ST3GAL1: variants seen among roughly 807,000 people sequenced by gnomAD.
The protein encoded by ST3GAL1 is ST3 beta-galactoside alpha-2,3-sialyltransferase 1, also known as CMP-N-acetylneuraminate-beta-galactosamide-alpha-2,3-sialyltransferase 1.
Under a neutral mutation model 34.1 loss-of-function variants are expected in ST3GAL1, and 16 were observed. That is an observed-to-expected ratio of 0.47 (90% CI 0.32 to 0.71). ST3GAL1 has a LOEUF of 0.71. ST3GAL1 is among the 30% of genes least tolerant of loss of function. ST3GAL1 has a pLI of 0.04. For synonymous variants in ST3GAL1, 191 were observed against 184.7 expected (o/e 1.03, Z -0.28); for missense variants, 353 against 447.4 (o/e 0.79, Z 1.90).
chr8:133,460,418 G>C (rs1053640881), intron 9 of ST3GAL1, among the ~76,000 whole-genome samples: 16 of 152,184 alleles, frequency 1.1e-4, no homozygotes, highest in Non-Finnish European at 4.4e-5. Flanking sequence ...TGGAAAATGG[G>C]TCCAAGAATC....
intron 3 of ST3GAL1, among the ~76,000 whole-genome samples, chr8:133,480,567 T>A (rs1013831463): frequency 6.6e-6 from 1 of 151,986 alleles, no homozygotes; most frequent in Non-Finnish European, 1.5e-5. Context: ...CAATACAGAG[T>A]GGCCACAACT....
chr8:133,556,145 C>T lies in ST3GAL1; in HGVS notation c.-581-10219G>A, dbSNP rs2131096075. Among the ~76,000 whole-genome samples the T allele has an allele frequency of 6.6e-6, 1 of 152,300 alleles. No homozygotes were observed. Among genetic ancestry groups the T allele is most frequent in the South Asian group, 2.1e-4 (1 of 4,832 alleles). ...TCCTGAGCTCAGGCAATCCACCCAT[C>T]TCGGCCTCCCAAAGTGCTAGGATTG... On this transcript the variant is annotated intron_variant, in intron 1 of 9. Coordinates refer to ENST00000522652, the MANE Select transcript of ST3GAL1 (RefSeq NM_173344.3). This position sits in a 1 kb window ranked among gnomAD's most constrained non-coding sequence, Gnocchi z 8.9.
At chr8:133,507,851 G>A (rs1817390224) in intron 2 of ST3GAL1, among the ~76,000 whole-genome samples, 1 of 152,204 alleles carries the variant, frequency 6.6e-6, no homozygotes, top group Admixed American at 6.5e-5. Flanking sequence ...GGTCCCTGCA[G>A]AGTAGATGCT....
intron 2 of ST3GAL1, among the ~76,000 whole-genome samples, chr8:133,525,541 C>A (rs912844031): frequency 6.6e-6 from 1 of 152,124 alleles, no homozygotes; most frequent in African/African-American, 2.4e-5. Flanking sequence ...TGGGACCTGC[C>A]CCTTTCTGCC....
chr8:133,534,259 G>A (rs1364404767), intron 2 of ST3GAL1, among the ~76,000 whole-genome samples: 1 of 152,102 alleles, frequency 6.6e-6, no homozygotes, highest in African/African-American at 2.4e-5. Flanking sequence ...CTGAGAAAGT[G>A]TTTACATGAA....
At chr8:133,491,142 C>G (rs533109203) in intron 3 of ST3GAL1, among the ~76,000 whole-genome samples, 1 of 152,238 alleles carries the variant, frequency 6.6e-6, no homozygotes, top group Admixed American at 6.5e-5. Context: ...CCCAGAGAAA[C>G]ACGATTAACC....
At chr8:133,463,598 C>T in intron 7 of ST3GAL1, 139 bp from the exon 8 acceptor site, 2 of 865,104 alleles carry the variant, frequency 2.3e-6, no homozygotes, top group East Asian at 2.6e-5. Flanking sequence ...TCAGGGACCC[C>T]CACCTCCCTA....
intron 5 of ST3GAL1, among the ~76,000 whole-genome samples, chr8:133,475,321 C>T (rs769113808): frequency 3.2e-4 from 49 of 152,176 alleles, no homozygotes; most frequent in Non-Finnish European, 1.0e-4. Context: ...CCAAGTCTGC[C>T]CATAATTTGT....
At position 133,459,919 on chromosome 8, in the gene ST3GAL1, C is replaced by T. The variant is rs765526077; in HGVS notation, c.868G>A (p.Gly290Arg). The change falls in exon 10 of 10, where the codon GGG becomes AGG. Residue 290 changes from glycine to arginine, a missense_variant. By Grantham distance (125) the Gly-to-Arg change is moderately radical (BLOSUM62 -2). Coordinates refer to ENST00000522652, the MANE Select transcript of ST3GAL1 (RefSeq NM_173344.3). This position sits in a 1 kb window ranked among gnomAD's most constrained non-coding sequence, Gnocchi z 4.7. ...VCDEVDLYGF[G>R]ADSKGNWHHY... Reference sequence around the variant, plus strand: ...TGCCAGTTCCCTTTGCTGTCTGCCCCGAAGCCGTACAAGTCCACCTGTGGG... The same window carrying T: ...TGCCAGTTCCCTTTGCTGTCTGCCCTGAAGCCGTACAAGTCCACCTGTGGG... 14 of 1,612,768 alleles carry T rather than the reference C, an allele frequency of 8.7e-6. No homozygotes were observed. The highest frequency in any genetic ancestry group is 3.3e-5 in the Admixed American group (2 of 59,834).
At chr8:133,543,071 A>G (rs1179432616) in intron 2 of ST3GAL1, among the ~76,000 whole-genome samples, 1 of 152,186 alleles carries the variant, frequency 6.6e-6, no homozygotes, top group Admixed American at 6.5e-5. Flanking sequence ...GGAAGACACC[A>G]CCTTAACTGA....
At chr8:133,472,220 C>T (rs1815997659) in intron 5 of ST3GAL1, among the ~76,000 whole-genome samples, 1 of 152,124 alleles carries the variant, frequency 6.6e-6, no homozygotes, top group African/African-American at 2.4e-5. Context: ...GCCCTGGTGA[C>T]TGCTCCTGTG....
intron 2 of ST3GAL1, among the ~76,000 whole-genome samples, chr8:133,504,569 C>T (rs1817279072): frequency 6.6e-6 from 1 of 152,118 alleles, no homozygotes; most frequent in Admixed American, 6.5e-5. Flanking sequence ...TTTTTTGAGT[C>T]CTTATTTGTT....
intron 2 of ST3GAL1, among the ~76,000 whole-genome samples, chr8:133,534,096 A>G (rs1818235045): frequency 6.6e-6 from 1 of 152,178 alleles, no homozygotes; most frequent in Non-Finnish European, 1.5e-5. Context: ...CAGTTAGATG[A>G]CTGACCATCT....
chr8:133,563,664 T>A (rs1819309666), intron 1 of ST3GAL1, among the ~76,000 whole-genome samples: 1 of 152,192 alleles, frequency 6.6e-6, no homozygotes, highest in African/African-American at 2.4e-5. Flanking sequence ...CTAGCTCCAG[T>A]AAGGAATTTC....
chr8:133,547,422 T>C (rs1818702399), intron 1 of ST3GAL1, among the ~76,000 whole-genome samples: 1 of 152,160 alleles, frequency 6.6e-6, no homozygotes, highest in African/African-American at 2.4e-5. Context: ...GTTCGTGCTA[T>C]CACACCAGGC....
At chr8:133,494,098 T>C (rs1816869389) in intron 3 of ST3GAL1, among the ~76,000 whole-genome samples, 2 of 152,200 alleles carry the variant, frequency 1.3e-5, no homozygotes, top group African/African-American at 4.8e-5. Context: ...CCTAGAAGGA[T>C]AAATTATTAG....
At chr8:133,525,437 A>G (rs1359666967) in intron 2 of ST3GAL1, among the ~76,000 whole-genome samples, 1 of 152,178 alleles carries the variant, frequency 6.6e-6, no homozygotes, top group Non-Finnish European at 1.5e-5. Context: ...ATAAAGCACC[A>G]TAAGTTCTTC....
chr8:133,500,380 A>G (rs1817109770), intron 2 of ST3GAL1, among the ~76,000 whole-genome samples: 1 of 152,192 alleles, frequency 6.6e-6, no homozygotes, highest in African/African-American at 2.4e-5. Context: ...TGACTCTCTA[A>G]AGAAACAACT....
At chr8:133,519,519 A>T (rs186223296) in intron 2 of ST3GAL1, among the ~76,000 whole-genome samples, 23 of 152,328 alleles carry the variant, frequency 1.5e-4, no homozygotes, top group Non-Finnish European at 1.5e-5. Flanking sequence ...TTAAAATAGC[A>T]TGGGGGAAAT....
Sources: gnomAD v4.1 joint callset for allele counts (sites outside exome capture counted in the v4.1 genomes callset) on GRCh38, gnomAD v4.1.1 for gene constraint, Gnocchi (gnomAD v3.1) non-coding constraint, MANE v1.5 for transcripts, NCBI Gene and HGNC (gene_info 2026-07-23, HGNC 2026-07-21) for gene names.